UPK1B: variants seen among roughly 807,000 people sequenced by gnomAD.
The protein encoded by UPK1B is uroplakin-1b.
In UPK1B, 28 loss-of-function variants were observed where a neutral mutation model predicts 34.2. The observed-to-expected ratio is 0.82, with a 90% CI of 0.61 to 1.12. The LOEUF is 1.12. UPK1B is among the 50% of genes most tolerant of loss of function. The pLI is 0.00. For synonymous variants in UPK1B, 81 were observed against 110.4 expected (o/e 0.73, Z 1.67); for missense variants, 325 against 320.9 (o/e 1.01, Z -0.10).
At position 119,204,267 on chromosome 3, in the gene UPK1B, C is replaced by A. The variant is rs888531197; in HGVS notation, c.*300C>A. The A allele has an allele frequency of 8.6e-6, 3 of 347,868 alleles. No homozygotes were observed. Among genetic ancestry groups the A allele is most frequent in the Non-Finnish European group, 5.2e-6 (1 of 190,560 alleles). The allele number at this position is 347,868 out of a possible 1,614,324, so 21.5% of individuals were successfully genotyped here. On this transcript the variant is annotated 3_prime_UTR_variant, in exon 8 of 8. Coordinates refer to ENST00000264234, the MANE Select transcript of UPK1B (RefSeq NM_006952.4). ...TTTAATTTGGGAAAATAAATACATT[C>A]GAAGGAACCTGTGTTATCACAGTAA...
Position 119,204,164 on chromosome 3 carries a change from G to A in UPK1B, c.*197G>A. ...GACTCCTACTTTTCATCCTAGTCTA[G>A]CATTCTGCAACATTTATATAGACTG... On this transcript the variant is annotated 3_prime_UTR_variant, in exon 8 of 8. Coordinates refer to ENST00000264234, the MANE Select transcript of UPK1B (RefSeq NM_006952.4). 1 of 580,462 alleles carries A rather than the reference G, an allele frequency of 1.7e-6. No individual in the cohort carries two copies. The highest frequency in any genetic ancestry group is 3.0e-6 in the Non-Finnish European group (1 of 329,550). 36.0% of individuals were successfully genotyped at this position (580,462 alleles called of 1,614,324 possible). A position where few individuals can be genotyped will look rare whatever the true frequency, so the allele number is the denominator to read the frequency against.
Position 119,187,865 on chromosome 3 carries a change from G to A in UPK1B, c.160G>A (p.Asp54Asn), listed in dbSNP as rs765954113. The change falls in exon 3 of 8, where the codon GAC becomes AAC. Residue 54 changes from aspartate to asparagine, a missense_variant. Physicochemically the swap from Asp to Asn is conservative, Grantham distance 23. Transcript: ENST00000264234. ...YPLLEATDND[D>N]IYGAAWIGIF... Reference sequence around the variant, plus strand: ...ACTGCTTGAAGCCACCGACAACGATGACATCTATGGGGCTGCCTGGATCGG... The same window carrying A: ...ACTGCTTGAAGCCACCGACAACGATAACATCTATGGGGCTGCCTGGATCGG... 1.8e-5 allele frequency: 29 copies of A among 1,614,114 alleles called. No individual in the cohort carries two copies. The South Asian group carries it at 3.0e-4, about 17-fold the overall frequency.
intron 1 of UPK1B, 182 bp from the exon 2 acceptor site, chr3:119,186,532 A>G: frequency 1.8e-6 from 1 of 561,712 alleles, no homozygotes; most frequent in Non-Finnish European, 3.1e-6. Flanking sequence ...CTGGAAGGCT[A>G]TATTCTTTTC....
chr3:119,179,523 T>TTTTTTTTTTTTTTTTTTA, intron 1 of UPK1B, among the ~76,000 whole-genome samples: 1 of 116,616 alleles, frequency 8.6e-6, no homozygotes, highest in African/African-American at 3.1e-5. Flanking sequence ...TTTTTTTTTT[T>TTTTTTTTTTTTTTTTTTA]TTTTGAGACG....
intron 7 of UPK1B, 43 bp from the exon 8 acceptor site, chr3:119,203,874 A>C (rs1353755387): frequency 1.2e-6 from 2 of 1,600,040 alleles, no homozygotes; most frequent in Non-Finnish European, 1.7e-6. Flanking sequence ...GATGTTTCTA[A>C]AACAATCCCT....
intron 1 of UPK1B, among the ~76,000 whole-genome samples, chr3:119,183,664 T>G (rs2077999757): frequency 6.6e-6 from 1 of 152,180 alleles, no homozygotes; most frequent in South Asian, 2.1e-4. Context: ...ATTTTAGACC[T>G]CTGCCCTCCA....
intron 7 of UPK1B, among the ~76,000 whole-genome samples, chr3:119,202,718 A>AAT (rs1478256654): frequency 3.3e-5 from 5 of 152,324 alleles, no homozygotes; most frequent in East Asian, 3.9e-4. Context: ...CTTCAGAGGC[A>AAT]GCCATTCCAG....
chr3:119,198,850 G>A lies in UPK1B; in HGVS notation c.649-207G>A, dbSNP rs1478132803. Among the ~76,000 whole-genome samples, 3 of 152,294 alleles carry A rather than the reference G, an allele frequency of 2.0e-5. No homozygotes were observed. The East Asian group carries it at 5.8e-4, about 29-fold the overall frequency. ...TGATAAAGACACAAATAAATGTGTT[G>A]TGGAATCATTGTTCAACAGTATTGT... On this transcript the variant is annotated intron_variant, in intron 6 of 7. Coordinates refer to ENST00000264234, the MANE Select transcript of UPK1B (RefSeq NM_006952.4).
chr3:119,180,017 C>CGAACTACCAACCTCAGGT (rs2077982431), intron 1 of UPK1B, among the ~76,000 whole-genome samples: 1 of 151,714 alleles, frequency 6.6e-6, no homozygotes, highest in Admixed American at 6.6e-5. Flanking sequence ...AGGCTGGTCT[C>CGAACTACCAACCTCAGGT]GAACTACCAA....
intron 7 of UPK1B, among the ~76,000 whole-genome samples, chr3:119,200,437 T>C (rs564984152): frequency 6.6e-6 from 1 of 152,370 alleles, no homozygotes; most frequent in African/African-American, 2.4e-5. Context: ...TATGTTAAAA[T>C]ATATTACATT....
At chr3:119,179,352 G>GATATATATATATATAT (rs60685268) in intron 1 of UPK1B, among the ~76,000 whole-genome samples, 18 of 46,876 alleles carry the variant, frequency 3.8e-4, no homozygotes, top group Non-Finnish European at 4.9e-4. Context: ...GAGAGAGGGA[G>GATATATATATATATAT]ATATATATAT....
At chr3:119,198,716 TG>T (rs1559904316) in intron 6 of UPK1B, among the ~76,000 whole-genome samples, 1 of 152,184 alleles carries the variant, frequency 6.6e-6, no homozygotes, top group African/African-American at 2.4e-5. Flanking sequence ...ACGAAGCCTT[TG>T]GGGAGGGAAA....
chr3:119,186,149 T>G (rs191983735), intron 1 of UPK1B, among the ~76,000 whole-genome samples: 168 of 152,366 alleles, frequency 1.1e-3, no homozygotes, highest in African/African-American at 3.7e-3. Flanking sequence ...GGCACACACC[T>G]GGCAGAAGGA....
At chr3:119,183,441 T>C (rs926827752) in intron 1 of UPK1B, among the ~76,000 whole-genome samples, 3 of 152,108 alleles carry the variant, frequency 2.0e-5, no homozygotes, top group Non-Finnish European at 4.4e-5. Context: ...TTTGTATTTT[T>C]AGTAGAGACG....
chr3:119,191,198 A>C (rs2078042565), intron 5 of UPK1B, 94 bp downstream of exon 5: 3 of 1,404,376 alleles, frequency 2.1e-6, no homozygotes, highest in East Asian at 4.6e-5. Context: ...ATTTTATTTC[A>C]AGCCATGATG....
At chr3:119,194,462 G>T in intron 6 of UPK1B, 64 bp downstream of exon 6, 15 of 1,438,838 alleles carry the variant, frequency 1.0e-5, no homozygotes, top group Admixed American at 4.3e-5. Flanking sequence ...GAAAAATATT[G>T]GTCAACTGTA....
chr3:119,194,874 G>C (rs954698670), intron 6 of UPK1B, among the ~76,000 whole-genome samples: 3 of 152,208 alleles, frequency 2.0e-5, no homozygotes, highest in Non-Finnish European at 2.9e-5. Context: ...CATTAGGTTG[G>C]TGATTTGGAT....
chr3:119,194,437 T>G, intron 6 of UPK1B, 39 bp downstream of exon 6: 1 of 1,552,366 alleles, frequency 6.4e-7, no homozygotes, highest in Non-Finnish European at 8.7e-7. Context: ...CAGGAGGTTC[T>G]GCTGCTCTTT....
intron 6 of UPK1B, among the ~76,000 whole-genome samples, 174 bp from the exon 7 acceptor site, chr3:119,198,883 C>T (rs956369516): frequency 6.6e-6 from 1 of 152,142 alleles, no homozygotes; most frequent in Non-Finnish European, 1.5e-5. Context: ...TGTTTATGTT[C>T]CCTTAGTAAA....
Sources: gnomAD v4.1 joint callset for allele counts (sites outside exome capture counted in the v4.1 genomes callset) on GRCh38, gnomAD v4.1.1 for gene constraint, MANE v1.5 for transcripts, NCBI Gene and HGNC (gene_info 2026-07-23, HGNC 2026-07-21) for gene names.